The following PVR variants were observed in gnomAD, a reference collection of about 807,000 sequenced individuals.
The protein encoded by PVR is poliovirus receptor.
Under a neutral mutation model 43.3 loss-of-function variants are expected in PVR, and 39 were observed. That is an observed-to-expected ratio of 0.90 (90% CI 0.70 to 1.18). PVR has a LOEUF of 1.18. PVR is among the 50% of genes most tolerant of loss of function. The pLI, the probability that PVR is intolerant of heterozygous loss-of-function variation, is 0.00. For synonymous variants in PVR, 224 were observed against 233.2 expected (o/e 0.96, Z 0.36); for missense variants, 480 against 549.7 (o/e 0.87, Z 1.27).
chr19:44,650,259 C>T (rs1289728614), intron 3 of PVR, among the ~76,000 whole-genome samples, 154 bp downstream of exon 3: 2 of 152,196 alleles, frequency 1.3e-5, no homozygotes, highest in Admixed American at 1.3e-4. Context: ...ATTGTCTGCA[C>T]CAGCTCCCCT....
chr19:44,647,461 C>T lies in PVR; in HGVS notation c.318C>T (p.Ala106=), dbSNP rs760001634. The T allele has an allele frequency of 1.2e-6, 2 of 1,614,140 alleles. No homozygotes were observed. The highest frequency in any genetic ancestry group is 2.2e-5 in the South Asian group (2 of 91,062). ...GACTGGGCGCGGAGCTGCGGAATGC[C>T]TCGCTGAGGATGTTCGGGTTGCGCG... ...AARLGAELRN[A]SLRMFGLRVE... The change falls in exon 2 of 8, where the codon GCC becomes GCT. Residue 106 remains alanine (A), a synonymous_variant. Coordinates refer to ENST00000425690, the MANE Select transcript of PVR (RefSeq NM_006505.5).
Position 44,649,672 on chromosome 19 carries a change from C to T in PVR, c.428-137C>T, listed in dbSNP as rs572086770. The T allele has an allele frequency of 4.1e-4, 364 of 878,464 alleles. 9 individuals are homozygous for T. The South Asian group carries it at 5.7e-3, about 14-fold the overall frequency. The allele number at this position is 878,464 out of a possible 1,614,324, so 54.4% of individuals were successfully genotyped here. On this transcript the variant is annotated intron_variant, in intron 2 of 7. Coordinates refer to ENST00000425690, the MANE Select transcript of PVR (RefSeq NM_006505.5). ...CTGACCCCAAGTGATCCACCCACCT[C>T]AGCCCCCCAAAGTTCTGGGATTATA...
At chr19:44,653,756 C>T (rs780185394) in intron 3 of PVR, 144 bp from the exon 4 acceptor site, 2 of 635,560 alleles carry the variant, frequency 3.1e-6, no homozygotes, top group Non-Finnish European at 5.7e-6. Flanking sequence ...GGCACCCCAT[C>T]TACCTAGACT....
Position 44,657,804 on chromosome 19 carries a change from C to T in PVR, c.885C>T (p.Ala295=), listed in dbSNP as rs750187476. 1.7e-5 allele frequency: 28 copies of T among 1,613,954 alleles called. 1 individual carries two copies. The South Asian group carries it at 3.1e-4, about 18-fold the overall frequency. ...PLPPFAVAQG[A]QLLIRPVDKP... ...CACCCTTTGCTGTGGCCCAGGGCGC[C>T]CAGCTCCTGATCCGTCCTGTGGACA... The change falls in exon 5 of 8, where the codon GCC becomes GCT. Residue 295 remains alanine, a synonymous_variant. Transcript: ENST00000425690.
intron 4 of PVR, among the ~76,000 whole-genome samples, chr19:44,656,576 C>T (rs1973452212): frequency 6.6e-6 from 1 of 152,158 alleles, no homozygotes; most frequent in African/African-American, 2.4e-5. Flanking sequence ...ATTTCCTCCC[C>T]ATATAGAGCT....
chr19:44,649,881 T>C lies in PVR; in HGVS notation c.500T>C (p.Val167Ala). ...GAGCCAGTGCCCATGGCCCGCTGCG[T>C]CTCCACAGGGGGTCGCCCGCCAGCC... ...TGEPVPMARCVSTGGRPPAQI... is the reference protein window; with the variant it reads ...TGEPVPMARCASTGGRPPAQI... The change falls in exon 3 of 8, where the codon GTC becomes GCC. Residue 167 changes from valine (V) to alanine (A), a missense_variant. By Grantham distance (64) the Val-to-Ala change is moderately conservative (BLOSUM62 0). Coordinates refer to ENST00000425690, the MANE Select transcript of PVR (RefSeq NM_006505.5). 6.2e-7 allele frequency: 1 copy of C among 1,613,960 alleles called. No homozygotes were observed. The highest frequency in any genetic ancestry group is 8.5e-7 in the Non-Finnish European group (1 of 1,179,958).
intron 7 of PVR, among the ~76,000 whole-genome samples, 191 bp from the exon 8 acceptor site, chr19:44,661,549 A>G (rs1489404783): frequency 6.6e-6 from 1 of 151,918 alleles, no homozygotes; most frequent in East Asian, 1.9e-4. Context: ...GCATTTTAAT[A>G]TCCGCTCTCT....
intron 7 of PVR, among the ~76,000 whole-genome samples, 173 bp from the exon 8 acceptor site, chr19:44,661,560 CCCCCCTG>C (rs1266612163): frequency 1.3e-5 from 2 of 152,078 alleles, no homozygotes; most frequent in African/African-American, 4.8e-5. Flanking sequence ...TCCGCTCTCT[CCCCCCTG>C]CCCCACGCCC....
chr19:44,644,529 CG>C (rs1252207232), intron 1 of PVR, among the ~76,000 whole-genome samples: 1 of 151,944 alleles, frequency 6.6e-6, no homozygotes, highest in Non-Finnish European at 1.5e-5. Flanking sequence ...TGACGCATGC[CG>C]GATTACCTTA....
chr19:44,659,832 T>A (rs1345307377), intron 6 of PVR, among the ~76,000 whole-genome samples: 2 of 152,192 alleles, frequency 1.3e-5, no homozygotes, highest in African/African-American at 4.8e-5. Context: ...GGTTCTCCCG[T>A]GAGCCCCATG....
intron 4 of PVR, among the ~76,000 whole-genome samples, chr19:44,656,463 C>G (rs144343306): frequency 3.3e-5 from 5 of 152,210 alleles, no homozygotes; most frequent in African/African-American, 1.2e-4. Context: ...AAGCCTGATG[C>G]TTCCATCTCC....
Position 44,657,874 on chromosome 19 carries a change from G to A in PVR, c.955G>A (p.Gly319Arg). 6.2e-7 allele frequency: 1 copy of A among 1,613,940 alleles called. No homozygotes were observed. The highest frequency in any genetic ancestry group is 1.1e-5 in the South Asian group (1 of 91,070). ...TLICNVTNAL[G>R]ARQAELTVQV... ...AATCTGCAACGTCACCAATGCCCTA[G>A]GAGCTCGCCAGGCAGAACTGACCGT... Residue 319 changes from glycine to arginine, a missense_variant, in exon 5 of 8, where the codon GGA becomes AGA. By Grantham distance (125) the Gly-to-Arg change is moderately radical (BLOSUM62 -2). Coordinates refer to ENST00000425690, the MANE Select transcript of PVR (RefSeq NM_006505.5).
intron 3 of PVR, among the ~76,000 whole-genome samples, chr19:44,652,276 T>G (rs1973302735): frequency 6.6e-6 from 1 of 152,112 alleles, no homozygotes; most frequent in Admixed American, 6.6e-5. Flanking sequence ...CCCTGCAGCC[T>G]CAACCTCCTG....
In PVR at chr19:44,657,782, C is replaced by T. The variant is rs1398917281; in HGVS notation, c.863C>T (p.Pro288Leu). Residue 288 changes from proline to leucine, a missense_variant, in exon 5 of 8, where the codon CCC becomes CTC. By Grantham distance (98) the Pro-to-Leu change is moderately conservative. Coordinates refer to ENST00000425690, the MANE Select transcript of PVR (RefSeq NM_006505.5). ...CCCAGGACCATGGGTCCCCTGCCAC[C>T]CTTTGCTGTGGCCCAGGGCGCCCAG... The part of the protein sequence containing the change: ...NWSTTMGPLP[P>L]FAVAQGAQLL... 3 of 1,614,134 alleles carry T rather than the reference C, an allele frequency of 1.9e-6. No individual in the cohort carries two copies. In the South Asian group the frequency reaches 3.3e-5, roughly 18 times the overall value.
In PVR at chr19:44,657,843, A is replaced by G; in HGVS notation, c.924A>G (p.Thr308=). The change falls in exon 5 of 8, where the codon ACA becomes ACG. Residue 308 remains threonine, a synonymous_variant. Transcript: ENST00000425690. ...GTCCTGTGGACAAACCAATCAACAC[A>G]ACTTTAATCTGCAACGTCACCAATG... ...LIRPVDKPIN[T]TLICNVTNAL... 6.2e-7 allele frequency: 1 copy of G among 1,613,980 alleles called. No homozygotes were observed. The highest frequency in any genetic ancestry group is 8.5e-7 in the Non-Finnish European group (1 of 1,179,946).
chr19:44,649,880 G>A lies in PVR; in HGVS notation c.499G>A (p.Val167Ile), dbSNP rs754527739. 68 of 1,613,878 alleles carry A rather than the reference G, an allele frequency of 4.2e-5. No individual in the cohort carries two copies. Among genetic ancestry groups the A allele is most frequent in the Admixed American group, 5.0e-5 (3 of 59,978 alleles). The change falls in exon 3 of 8, where the codon GTC becomes ATC. Residue 167 changes from valine to isoleucine, a missense_variant. Transcript: ENST00000425690. ...AGAGCCAGTGCCCATGGCCCGCTGC[G>A]TCTCCACAGGGGGTCGCCCGCCAGC... ...TGEPVPMARC[V>I]STGGRPPAQI...
At chr19:44,653,807 C>T in intron 3 of PVR, 93 bp from the exon 4 acceptor site, 1 of 840,072 alleles carries the variant, frequency 1.2e-6, no homozygotes, top group Middle Eastern at 2.3e-4. Context: ...TCCAAATATC[C>T]CCGGGCCTTT....
At position 44,657,104 on chromosome 19, in the gene PVR, C is replaced by T. The variant is rs138992364; in HGVS notation, c.843-658C>T. Among the ~76,000 whole-genome samples, 297 of 152,246 alleles carry T rather than the reference C, an allele frequency of 2.0e-3. 2 individuals carry two copies. The highest frequency in any genetic ancestry group is 6.5e-3 in the African/African-American group (268 of 41,516). ...GAGGCCTGAAGGAGATGAGGGTGAG[C>T]TCTGCGGGTGCCTAGGGGGAAAGCA... On this transcript the variant is annotated intron_variant, in intron 4 of 7. Coordinates refer to ENST00000425690, the MANE Select transcript of PVR (RefSeq NM_006505.5).
chr19:44,653,147 T>G (rs1484010192), intron 3 of PVR, among the ~76,000 whole-genome samples: 3 of 152,160 alleles, frequency 2.0e-5, no homozygotes, highest in Non-Finnish European at 4.4e-5. Flanking sequence ...GGGGGTGATC[T>G]CACCCCCACC....
Sources: gnomAD v4.1 joint callset for allele counts (sites outside exome capture counted in the v4.1 genomes callset) on GRCh38, gnomAD v4.1.1 for gene constraint, MANE v1.5 for transcripts, NCBI Gene and HGNC (gene_info 2026-07-23, HGNC 2026-07-21) for gene names.